MTUS2: variants seen among roughly 807,000 people sequenced by gnomAD.
The protein encoded by MTUS2 is microtubule-associated tumor suppressor candidate 2.
In MTUS2, 40 loss-of-function variants were observed where a neutral mutation model predicts 114.1. That is an observed-to-expected ratio of 0.35 (90% CI 0.27 to 0.46). The LOEUF (loss-of-function observed/expected upper bound fraction) is 0.46. Among genes scored for constraint, MTUS2 ranks in the 20% least tolerant of loss-of-function variants. MTUS2 has a pLI of 1.00. For synonymous variants in MTUS2, 688 were observed against 672.0 expected (o/e 1.02, Z -0.37); for missense variants, 1,679 against 1,705.4 (o/e 0.98, Z 0.27).
intron 4 of MTUS2, among the ~76,000 whole-genome samples, chr13:29,078,173 A>G (rs1385249449): frequency 6.6e-6 from 1 of 152,138 alleles, no homozygotes; most frequent in Non-Finnish European, 1.5e-5. Flanking sequence ...GCTTCTTTGC[A>G]TGAGATTTGA....
chr13:28,922,420 C>T (rs1179432979), intron 2 of MTUS2, among the ~76,000 whole-genome samples: 1 of 152,172 alleles, frequency 6.6e-6, no homozygotes. Context: ...TCCTTGTCAC[C>T]TAGATTTCTC....
chr13:29,026,674 A>T lies in MTUS2; in HGVS notation c.1976A>T (p.Asp659Val). Residue 659 changes from aspartate to valine, a missense_variant, in exon 3 of 16, where the codon GAC becomes GTC. Around this residue, in one of 3 missense-constraint regions of MTUS2, gnomAD observed 822 missense variants for 899.7 expected, o/e 0.91. Transcript: ENST00000612955. Reference protein sequence around the residue: ...RRNPQALGQVDASLVPVGLPY... With the variant: ...RRNPQALGQVVASLVPVGLPY... ...AATCCCCAGGCCCTGGGCCAGGTGG[A>T]CGCCTCGCTGGTTCCAGTGGGGCTT... The T allele has an allele frequency of 6.2e-7, 1 of 1,613,934 alleles. No homozygotes were observed. Among genetic ancestry groups the T allele is most frequent in the Non-Finnish European group, 8.5e-7 (1 of 1,179,874 alleles).
intron 1 of MTUS2, among the ~76,000 whole-genome samples, chr13:28,833,224 G>A (rs1188541023): frequency 6.6e-6 from 1 of 152,062 alleles, no homozygotes; most frequent in African/African-American, 2.4e-5. Context: ...ATTCTTTAAG[G>A]CCAGTAGTAC....
chr13:29,384,498 A>G (rs3121739), intron 8 of MTUS2, among the ~76,000 whole-genome samples: 115,346 of 151,768 alleles, frequency 0.76, 43,975 homozygotes, highest in Admixed American at 0.83. Flanking sequence ...GCCATGAGAG[A>G]AGCTCAGGCC....
intron 8 of MTUS2, among the ~76,000 whole-genome samples, chr13:29,432,001 C>T (rs924973196): frequency 1.4e-5 from 2 of 148,124 alleles, no homozygotes; most frequent in East Asian, 2.0e-4. Flanking sequence ...TGCACTACCA[C>T]GCTCAGCTAT....
intron 14 of MTUS2, among the ~76,000 whole-genome samples, chr13:29,500,832 CACATT>C (rs1396804583): frequency 1.3e-4 from 18 of 142,954 alleles, no homozygotes; most frequent in Non-Finnish European, 2.4e-4. Flanking sequence ...CACACACACA[CACATT>C]GATACATAAT....
chr13:29,434,572 C>A (rs1433555123), intron 8 of MTUS2, among the ~76,000 whole-genome samples: 1 of 152,160 alleles, frequency 6.6e-6, no homozygotes, highest in Non-Finnish European at 1.5e-5. Context: ...CAGATTTACC[C>A]AGCGTTCAGT....
intron 2 of MTUS2, among the ~76,000 whole-genome samples, chr13:28,950,377 G>A (rs1164092928): frequency 3.3e-5 from 5 of 152,172 alleles, no homozygotes; most frequent in Non-Finnish European, 7.3e-5. Flanking sequence ...ATTCGCAAAT[G>A]TTTTTTCCCA....
chr13:29,074,006 C>T (rs758886146), intron 4 of MTUS2, among the ~76,000 whole-genome samples: 1 of 152,192 alleles, frequency 6.6e-6, no homozygotes, highest in Non-Finnish European at 1.5e-5. Context: ...CGTTCCTGCT[C>T]TCAGAACACC....
chr13:28,947,888 T>C (rs1201739279), intron 2 of MTUS2, among the ~76,000 whole-genome samples: 1 of 152,230 alleles, frequency 6.6e-6, no homozygotes, highest in Non-Finnish European at 1.5e-5. Context: ...TAAAACTTTT[T>C]AATACATGGG....
intron 7 of MTUS2, among the ~76,000 whole-genome samples, chr13:29,340,098 T>C (rs1036239744): frequency 4.6e-5 from 7 of 152,202 alleles, no homozygotes; most frequent in African/African-American, 1.7e-4. Context: ...CCTCTGGCCA[T>C]AGGGTTCCGC....
At chr13:29,128,141 A>G (rs987788949) in intron 5 of MTUS2, among the ~76,000 whole-genome samples, 3 of 152,238 alleles carry the variant, frequency 2.0e-5, no homozygotes, top group Non-Finnish European at 4.4e-5. Flanking sequence ...TGGGACAGAC[A>G]GACAGAATAG....
At chr13:29,008,223 A>G (rs1885684662) in intron 2 of MTUS2, among the ~76,000 whole-genome samples, 2 of 152,156 alleles carry the variant, frequency 1.3e-5, no homozygotes, top group Admixed American at 6.5e-5. Flanking sequence ...CCCTGAGGGG[A>G]AAAGCCTGCA....
At chr13:29,225,401 T>C (rs975870803) in intron 5 of MTUS2, among the ~76,000 whole-genome samples, 4 of 152,022 alleles carry the variant, frequency 2.6e-5, no homozygotes, top group African/African-American at 9.7e-5. Context: ...AGTTACGCAG[T>C]GTTATTGTAA....
rs1223847333 is a variant in MTUS2, at chr13:29,439,940, C to T, written c.3118-43C>T. Reference sequence around the variant, plus strand: ...TAATCATGTGAAAGTGCTTATCTAGCATAAAACTAGGGGACTCTCGGTATC... The same window carrying T: ...TAATCATGTGAAAGTGCTTATCTAGTATAAAACTAGGGGACTCTCGGTATC... On this transcript the variant is annotated intron_variant, in intron 8 of 15. Transcript: ENST00000612955. The T allele has an allele frequency of 3.4e-6, 5 of 1,453,172 alleles. No individual in the cohort carries two copies. In the South Asian group the frequency reaches 6.1e-5, roughly 18 times the overall value. 90.0% of individuals were successfully genotyped at this position (1,453,172 alleles called of 1,614,324 possible).
chr13:29,146,425 C>G (rs192926809), intron 5 of MTUS2, among the ~76,000 whole-genome samples: 2 of 152,132 alleles, frequency 1.3e-5, no homozygotes, highest in Non-Finnish European at 2.9e-5. Context: ...GAGTTACACT[C>G]GCATTTCTTA....
chr13:29,260,548 G>C (rs1897433176), intron 5 of MTUS2, among the ~76,000 whole-genome samples: 1 of 152,142 alleles, frequency 6.6e-6, no homozygotes, highest in Admixed American at 6.5e-5. Flanking sequence ...TACAGCCTCT[G>C]GCATAAATGG....
intron 8 of MTUS2, among the ~76,000 whole-genome samples, chr13:29,379,604 A>G (rs1455330312): frequency 6.6e-6 from 1 of 152,146 alleles, no homozygotes; most frequent in Non-Finnish European, 1.5e-5. Context: ...AGTGGGGTGG[A>G]AAGAGTCCCC....
chr13:28,924,578 G>C (rs114516596), intron 2 of MTUS2, among the ~76,000 whole-genome samples: 1 of 152,208 alleles, frequency 6.6e-6, no homozygotes, highest in Non-Finnish European at 1.5e-5. Context: ...TACGTGCATA[G>C]GGAATAAAGG....
Sources: gnomAD v4.1 joint callset for allele counts (sites outside exome capture counted in the v4.1 genomes callset) on GRCh38, gnomAD v4.1.1 for gene constraint, gnomAD v4.1.1 regional missense constraint, MANE v1.5 for transcripts, NCBI Gene and HGNC (gene_info 2026-07-23, HGNC 2026-07-21) for gene names.